The following AOAH variants were observed in gnomAD, a reference collection of about 807,000 sequenced individuals.
AOAH encodes acyloxyacyl hydrolase (neutrophil).
A neutral mutation model predicts 92.2 loss-of-function variants in AOAH; 64 were observed. The ratio of observed to expected loss-of-function variants is 0.69; its 90% CI spans 0.57 to 0.86. The LOEUF is 0.86. AOAH is among the 40% of genes least tolerant of loss of function. The pLI is 0.00. For missense variants in AOAH, 656 were observed against 694.6 expected (o/e 0.94, Z 0.62); for synonymous variants, 263 against 254.5 (o/e 1.03, Z -0.32).
intron 20 of AOAH, among the ~76,000 whole-genome samples, chr7:36,517,438 C>T (rs1440657184): frequency 6.6e-6 from 1 of 151,280 alleles, no homozygotes; most frequent in Non-Finnish European, 1.5e-5. Flanking sequence ...TTTTATGCTT[C>T]TCTATTCATA....
At chr7:36,558,889 T>C (rs1316030485) in intron 13 of AOAH, among the ~76,000 whole-genome samples, 1 of 152,246 alleles carries the variant, frequency 6.6e-6, no homozygotes, top group Non-Finnish European at 1.5e-5. Flanking sequence ...ACCCACTTCC[T>C]TGACCAGGAA....
At chr7:36,589,731 A>C (rs1789613885) in intron 12 of AOAH, among the ~76,000 whole-genome samples, 1 of 152,004 alleles carries the variant, frequency 6.6e-6, no homozygotes, top group African/African-American at 2.4e-5. Context: ...ACTTCCTTTC[A>C]CTCTATCATG....
chr7:36,682,325 C>T (rs1796702689), intron 2 of AOAH, among the ~76,000 whole-genome samples: 1 of 152,158 alleles, frequency 6.6e-6, no homozygotes, highest in South Asian at 2.1e-4. Context: ...TACCCCAAAA[C>T]AACAGAAGAA....
intron 11 of AOAH, among the ~76,000 whole-genome samples, chr7:36,603,112 GT>G (rs1790725634): frequency 6.6e-6 from 1 of 152,140 alleles, no homozygotes; most frequent in African/African-American, 2.4e-5. Context: ...GATTGGGTAG[GT>G]TTGTGGTGGG....
intron 13 of AOAH, among the ~76,000 whole-genome samples, chr7:36,559,958 C>T (rs1479778061): frequency 2.0e-5 from 3 of 152,288 alleles, no homozygotes; most frequent in South Asian, 2.1e-4. Flanking sequence ...TATGGCTTGT[C>T]AGCTATCCCC....
At chr7:36,544,829 G>T (rs1785690755) in intron 15 of AOAH, among the ~76,000 whole-genome samples, 1 of 152,100 alleles carries the variant, frequency 6.6e-6, no homozygotes. Flanking sequence ...CTAGAGAGAG[G>T]TGTCCCTTCC....
intron 11 of AOAH, among the ~76,000 whole-genome samples, chr7:36,603,596 C>T (rs948154103): frequency 2.0e-5 from 3 of 152,112 alleles, no homozygotes; most frequent in Non-Finnish European, 4.4e-5. Context: ...GTTTGCAGGC[C>T]GTTTGGTCTC....
chr7:36,586,363 G>A (rs1267853492), intron 12 of AOAH, among the ~76,000 whole-genome samples: 3 of 152,130 alleles, frequency 2.0e-5, no homozygotes, highest in African/African-American at 7.2e-5. Context: ...GGTCTCTCCA[G>A]GTCCCTGTCT....
intron 4 of AOAH, among the ~76,000 whole-genome samples, chr7:36,638,929 G>A (rs1793705361): frequency 6.6e-6 from 1 of 152,172 alleles, no homozygotes; most frequent in African/African-American, 2.4e-5. Flanking sequence ...CTCCACTCTT[G>A]CTCTGACCAC....
intron 13 of AOAH, among the ~76,000 whole-genome samples, chr7:36,553,967 T>A (rs1291205049): frequency 6.6e-6 from 1 of 152,126 alleles, no homozygotes; most frequent in African/African-American, 2.4e-5. Flanking sequence ...TCTTTTGCTG[T>A]GCAGAAGCTC....
In AOAH at chr7:36,537,186, T is replaced by C. The variant is rs928246041; in HGVS notation, c.1306+3133A>G. The stretch of plus-strand genomic sequence containing the variant: ...GATAATTTAGGATGTGAATAGTTAC[T>C]TATAAGCATCAAACAAATTTTAGAT... On this transcript the variant is annotated intron_variant, in intron 16 of 20. Coordinates refer to ENST00000617537, the MANE Select transcript of AOAH (RefSeq NM_001637.4). Among the ~76,000 whole-genome samples the C allele has an allele frequency of 4.6e-5, 7 of 152,166 alleles. No homozygotes were observed. In the East Asian group the frequency reaches 5.8e-4, roughly 13 times the overall value.
intron 4 of AOAH, among the ~76,000 whole-genome samples, chr7:36,645,565 A>G (rs1304234930): frequency 1.3e-5 from 2 of 152,176 alleles, no homozygotes; most frequent in Admixed American, 6.5e-5. Context: ...TTTATCAAAT[A>G]GTGGCATGTC....
At position 36,599,184 on chromosome 7, in the gene AOAH, A is replaced by G. The variant is rs114147347; in HGVS notation, c.847-4754T>C. ...CCTGTGTGTGGGTATGTGTGTGTGT[A>G]TTTCCATGCATCGAGAAAGCCCACT... is the stretch of plus-strand genomic sequence containing the variant. On this transcript the variant is annotated intron_variant, in intron 11 of 20. Transcript: ENST00000617537. Among the ~76,000 whole-genome samples the G allele has an allele frequency of 5.4e-3, 829 of 152,238 alleles. 5 individuals carry two copies. Among genetic ancestry groups the G allele is most frequent in the African/African-American group, 0.019 (791 of 41,536 alleles).
At chr7:36,548,488 G>T in intron 15 of AOAH, 124 bp downstream of exon 15, 3 of 801,772 alleles carry the variant, frequency 3.7e-6, no homozygotes, top group Non-Finnish European at 6.2e-6. Flanking sequence ...GCCCGGCCGT[G>T]CTTCTAAGAT....
At chr7:36,562,711 C>T (rs1787365792) in intron 13 of AOAH, among the ~76,000 whole-genome samples, 1 of 152,158 alleles carries the variant, frequency 6.6e-6, no homozygotes, top group Admixed American at 6.5e-5. Flanking sequence ...TCCTCCCTTC[C>T]CATGATCTCT....
chr7:36,618,209 T>C, intron 10 of AOAH, 88 bp downstream of exon 10: 1 of 1,150,718 alleles, frequency 8.7e-7, no homozygotes, highest in Non-Finnish European at 1.3e-6. Context: ...AAGCACGTTC[T>C]GACTTAGGTG....
chr7:36,684,906 CAAAAAAAAAAA>C (rs57827044), intron 2 of AOAH, among the ~76,000 whole-genome samples: 2 of 59,988 alleles, frequency 3.3e-5, no homozygotes, highest in East Asian at 5.1e-4. Context: ...GACCTTGTCT[CAAAAAAAAAAA>C]AAAAAAAAAA....
At chr7:36,712,064 G>A (rs1326782374) in intron 1 of AOAH, among the ~76,000 whole-genome samples, 10 of 152,272 alleles carry the variant, frequency 6.6e-5, no homozygotes, top group South Asian at 4.1e-4. Context: ...ATGAACAAGC[G>A]TTTAGTTATA....
chr7:36,536,395 C>A (rs920672409), intron 16 of AOAH, among the ~76,000 whole-genome samples: 5 of 151,808 alleles, frequency 3.3e-5, no homozygotes, highest in Admixed American at 1.3e-4. Context: ...TTTTTCTTTG[C>A]ACAGCACTGT....
Sources: allele counts gnomAD v4.1 joint callset (sites outside exome capture counted in the v4.1 genomes callset), GRCh38; gene constraint gnomAD v4.1.1; transcripts MANE v1.5; gene names NCBI Gene and HGNC (gene_info 2026-07-23, HGNC 2026-07-21).